ERC2: variants seen among roughly 807,000 people sequenced by gnomAD.
ERC2 encodes ERC protein 2.
Under a neutral mutation model 114.8 loss-of-function variants are expected in ERC2, and 42 were observed. The ratio of observed to expected loss-of-function variants is 0.37; its 90% CI spans 0.29 to 0.47. The LOEUF (loss-of-function observed/expected upper bound fraction) is 0.47. Among genes scored for constraint, ERC2 ranks in the 20% least tolerant of loss-of-function variants. ERC2 has a pLI of 0.99. For missense variants in ERC2, 939 were observed against 1,150.7 expected (o/e 0.82, Z 2.66); for synonymous variants, 454 against 425.5 (o/e 1.07, Z -0.82).
intron 13 of ERC2, among the ~76,000 whole-genome samples, chr3:55,909,048 AT>A (rs2064640923): frequency 6.6e-6 from 1 of 152,158 alleles, no homozygotes; most frequent in Non-Finnish European, 1.5e-5. Flanking sequence ...TATTATTTCC[AT>A]GTTACAGATC....
intron 2 of ERC2, among the ~76,000 whole-genome samples, chr3:56,363,850 G>A (rs58341614): frequency 6.8e-6 from 1 of 146,828 alleles, no homozygotes; most frequent in Non-Finnish European, 1.5e-5. Flanking sequence ...AGGGAGGGAG[G>A]AAGGGAAAAA....
At chr3:55,582,446 C>T (rs891644097) in intron 17 of ERC2, among the ~76,000 whole-genome samples, 3 of 152,230 alleles carry the variant, frequency 2.0e-5, no homozygotes, top group African/African-American at 7.2e-5. Context: ...AAGTGGTCTA[C>T]CACACTCTGC....
chr3:55,759,479 A>T (rs1212668753), intron 14 of ERC2, among the ~76,000 whole-genome samples: 1 of 110,340 alleles, frequency 9.1e-6, no homozygotes. Flanking sequence ...AAAAAAAAAA[A>T]AAAAAAAAAA....
At chr3:56,348,930 AGG>A in intron 2 of ERC2, among the ~76,000 whole-genome samples, 2 of 143,320 alleles carry the variant, frequency 1.4e-5, no homozygotes. Context: ...GAAGGAAGGA[AGG>A]AAGGAAGGAA....
chr3:56,382,218 T>C (rs539110233), intron 2 of ERC2, among the ~76,000 whole-genome samples: 10 of 151,980 alleles, frequency 6.6e-5, no homozygotes, highest in African/African-American at 2.4e-4. Flanking sequence ...TAGTAGCCCC[T>C]CCTCTTGTGT....
At chr3:56,148,105 G>A (rs2081237555) in intron 5 of ERC2, among the ~76,000 whole-genome samples, 1 of 152,064 alleles carries the variant, frequency 6.6e-6, no homozygotes, top group African/African-American at 2.4e-5. Flanking sequence ...AGGGACTAAG[G>A]GCTTTAAATG....
At chr3:55,894,415 A>G (rs778317213) in intron 13 of ERC2, among the ~76,000 whole-genome samples, 1 of 152,204 alleles carries the variant, frequency 6.6e-6, no homozygotes, top group Non-Finnish European at 1.5e-5. Flanking sequence ...TTATTTGGGG[A>G]CAATATAATA....
chr3:56,007,171 C>T lies in ERC2; in HGVS notation c.2061+10G>A, dbSNP rs1231108984. ...AATAAGCATGATTCTTTTTCTTAGACTTCACTTACCTTTTTTAACTGTGCT... is the reference window on the plus strand; with the variant it reads ...AATAAGCATGATTCTTTTTCTTAGATTTCACTTACCTTTTTTAACTGTGCT... On this transcript the variant is annotated intron_variant, in intron 10 of 17. Coordinates refer to ENST00000288221, the MANE Select transcript of ERC2 (RefSeq NM_015576.3). 1.9e-6 allele frequency: 3 copies of T among 1,544,512 alleles called. No homozygotes were observed. The highest frequency in any genetic ancestry group is 4.7e-5 in the East Asian group (2 of 42,236).
intron 14 of ERC2, among the ~76,000 whole-genome samples, chr3:55,860,222 T>C (rs1170959342): frequency 6.6e-6 from 1 of 152,146 alleles, no homozygotes; most frequent in Non-Finnish European, 1.5e-5. Flanking sequence ...CCAAATTTAC[T>C]TGAAAGAGGA....
At chr3:56,292,776 G>A (rs968839391) in intron 3 of ERC2, among the ~76,000 whole-genome samples, 1 of 152,098 alleles carries the variant, frequency 6.6e-6, no homozygotes, top group Non-Finnish European at 1.5e-5. Flanking sequence ...TAGGCCATGG[G>A]TCTTTCCATC....
chr3:56,288,018 A>G (rs2054835465), intron 3 of ERC2, among the ~76,000 whole-genome samples: 2 of 152,188 alleles, frequency 1.3e-5, no homozygotes, highest in African/African-American at 4.8e-5. Flanking sequence ...ATCTGAGGAA[A>G]TAGTTAAAAC....
At chr3:56,159,967 C>T (rs755492328) in intron 4 of ERC2, among the ~76,000 whole-genome samples, 6 of 152,146 alleles carry the variant, frequency 3.9e-5, no homozygotes, top group African/African-American at 1.4e-4. Flanking sequence ...TTGCGATGAA[C>T]ATTTAAGTGT....
chr3:56,060,555 G>C (rs1450697670), intron 7 of ERC2, among the ~76,000 whole-genome samples: 1 of 152,136 alleles, frequency 6.6e-6, no homozygotes, highest in Admixed American at 6.5e-5. Flanking sequence ...CAACCCACAG[G>C]GTGCCCCATA....
chr3:55,984,026 TAC>T (rs1166527895), intron 12 of ERC2, among the ~76,000 whole-genome samples: 1 of 152,180 alleles, frequency 6.6e-6, no homozygotes. Flanking sequence ...CAATTCTTCC[TAC>T]ACTAAAAATA....
At chr3:56,165,868 G>A (rs1053115154) in intron 4 of ERC2, among the ~76,000 whole-genome samples, 31 of 151,614 alleles carry the variant, frequency 2.0e-4, no homozygotes, top group African/African-American at 7.0e-4. Context: ...TATGGTACTT[G>A]TGAACAAAAA....
At chr3:56,333,572 C>T (rs2057723969) in intron 2 of ERC2, among the ~76,000 whole-genome samples, 1 of 152,094 alleles carries the variant, frequency 6.6e-6, no homozygotes, top group South Asian at 2.1e-4. Flanking sequence ...TCATATTTAC[C>T]TATGTCTATG....
At chr3:56,327,530 G>A (rs1005252861) in intron 2 of ERC2, among the ~76,000 whole-genome samples, 1 of 152,108 alleles carries the variant, frequency 6.6e-6, no homozygotes, top group Admixed American at 6.5e-5. Flanking sequence ...TCACTACTTA[G>A]CTGGGCATGG....
intron 17 of ERC2, among the ~76,000 whole-genome samples, chr3:55,519,756 G>C (rs1208066570): frequency 6.6e-6 from 1 of 152,130 alleles, no homozygotes; most frequent in African/African-American, 2.4e-5. Flanking sequence ...ATTTAGGCTG[G>C]ACATCATGGT....
At chr3:55,762,921 TAAC>T (rs1329069895) in intron 14 of ERC2, among the ~76,000 whole-genome samples, 2 of 152,206 alleles carry the variant, frequency 1.3e-5, no homozygotes, top group Non-Finnish European at 2.9e-5. Context: ...CAGTTCAACT[TAAC>T]AACTGTCTAC....
Sources: gnomAD v4.1 joint callset for allele counts (sites outside exome capture counted in the v4.1 genomes callset) on GRCh38, gnomAD v4.1.1 for gene constraint, MANE v1.5 for transcripts, NCBI Gene and HGNC (gene_info 2026-07-23, HGNC 2026-07-21) for gene names.